SETDB2: variants seen among roughly 807,000 people sequenced by gnomAD.
The protein encoded by SETDB2 is SET domain bifurcated histone lysine methyltransferase 2.
Under a neutral mutation model 82.5 loss-of-function variants are expected in SETDB2, and 56 were observed. That is an observed-to-expected ratio of 0.68 (90% CI 0.55 to 0.85). The LOEUF (loss-of-function observed/expected upper bound fraction) is 0.85. Among genes scored for constraint, SETDB2 ranks in the 40% least tolerant of loss-of-function variants. SETDB2 has a pLI of 0.00. For synonymous variants in SETDB2, 272 were observed against 284.9 expected (o/e 0.95, Z 0.46); for missense variants, 677 against 816.4 (o/e 0.83, Z 2.08).
At position 49,444,687 on chromosome 13, in the gene SETDB2, A is replaced by G. The variant is rs533382400; in HGVS notation, c.-512A>G. The G allele has an allele frequency of 7.5e-6, 1 of 132,502 alleles. No individual in the cohort carries two copies. Among genetic ancestry groups the G allele is most frequent in the African/African-American group, 2.5e-5 (1 of 40,258 alleles). 8.2% of individuals were successfully genotyped at this position (132,502 alleles called of 1,614,324 possible). On this transcript the variant is annotated 5_prime_UTR_variant, in exon 1 of 14. Transcript: ENST00000611815. The stretch of plus-strand genomic sequence containing the variant: ...TGGCTGCAGAAGGGGCCGCGGGCGC[A>G]CTGAGTTTCCAACCTCCATTTCAGC...
chr13:49,481,153 A>G, intron 8 of SETDB2, 37 bp downstream of exon 8: 1 of 1,584,292 alleles, frequency 6.3e-7, no homozygotes, highest in East Asian at 2.2e-5. Flanking sequence ...ATTCTAGAGT[A>G]GAATCCACTT....
At chr13:49,461,059 TAAAG>T in intron 3 of SETDB2, 34 bp from the exon 4 acceptor site, 1 of 1,498,000 alleles carries the variant, frequency 6.7e-7, no homozygotes, top group Non-Finnish European at 9.2e-7. Context: ...GCACCATAAA[TAAAG>T]GTAATGGTGA....
chr13:49,456,306 TTATTCATGA>T (rs1957880820), intron 2 of SETDB2, among the ~76,000 whole-genome samples: 1 of 152,138 alleles, frequency 6.6e-6, no homozygotes, highest in Non-Finnish European at 1.5e-5. Flanking sequence ...CAGATCAGTA[TTATTCATGA>T]GCATTGTCTG....
Position 49,488,504 on chromosome 13 carries a change from A to G in SETDB2, c.1791A>G (p.Val597=), listed in dbSNP as rs1316868494. 3.7e-6 allele frequency: 6 copies of G among 1,613,988 alleles called. No individual in the cohort carries two copies. The Admixed American group carries it at 6.7e-5, about 18-fold the overall frequency. ...CTACAGCATGTCAAAGACAGCAGGT[A>G]TTTTGTGATGAAGAGTTGCTAAGTG... is the stretch of plus-strand genomic sequence containing the variant. ...GRSTACQRQQ[V]FCDEELLSET... The change falls in exon 12 of 14, where the codon GTA becomes GTG. Residue 597 remains valine, a synonymous_variant. Coordinates refer to ENST00000611815, the MANE Select transcript of SETDB2 (RefSeq NM_001160308.3).
chr13:49,468,718 CA>C lies in SETDB2; in HGVS notation c.305+759del, dbSNP rs761028799. Among the ~76,000 whole-genome samples the C allele has an allele frequency of 2.4e-4, 36 of 151,808 alleles. 1 individual carries two copies. In the South Asian group the frequency reaches 7.5e-3, roughly 32 times the overall value. Reference sequence around the variant, plus strand: ...CATGCCTGTGAGAGTTGTAGATAGACACTGTTTCATATAATTTGGATTTACA... The same window carrying C: ...CATGCCTGTGAGAGTTGTAGATAGACCTGTTTCATATAATTTGGATTTACA... On this transcript the variant is annotated intron_variant, in intron 5 of 13. Coordinates refer to ENST00000611815, the MANE Select transcript of SETDB2 (RefSeq NM_001160308.3).
rs1173473341 is a variant in SETDB2 at position 49,476,524 on chromosome 13, C to T, written c.354C>T (p.Asp118=). ...TCTCTCTTGAAGATAAAGTTGTAGA[C>T]TTTAGAGAAAAAGACTCATCTTCGA... ...EILSLEDKVV[D]FREKDSSSNL... Residue 118 remains aspartate, a synonymous_variant, in exon 6 of 14, where the codon GAC becomes GAT. Transcript: ENST00000611815. The T allele has an allele frequency of 6.2e-7, 1 of 1,612,160 alleles. No homozygotes were observed. The highest frequency in any genetic ancestry group is 1.7e-5 in the Admixed American group (1 of 59,728).
Position 49,451,831 on chromosome 13 carries a change from C to T in SETDB2, c.-63C>T, listed in dbSNP as rs1288592974. ...ACAGTTGGATTCCAGTGATATTCTGCAATCAAAGTGATTTGATAAACCTAA... is the reference window on the plus strand; with the variant it reads ...ACAGTTGGATTCCAGTGATATTCTGTAATCAAAGTGATTTGATAAACCTAA... On this transcript the variant is annotated 5_prime_UTR_variant, in exon 2 of 14. Transcript: ENST00000611815. 1.5e-6 allele frequency: 2 copies of T among 1,296,328 alleles called. No individual in the cohort carries two copies. Among genetic ancestry groups the T allele is most frequent in the Non-Finnish European group, 2.2e-6 (2 of 911,204 alleles). 80.3% of individuals were successfully genotyped at this position (1,296,328 alleles called of 1,614,324 possible).
Position 49,480,278 on chromosome 13 carries a change from G to A in SETDB2, c.929G>A (p.Ser310Asn), listed in dbSNP as rs1958451916. 13 of 1,611,906 alleles carry A rather than the reference G, an allele frequency of 8.1e-6. No individual in the cohort carries two copies. Among genetic ancestry groups the A allele is most frequent in the African/African-American group, 1.3e-5 (1 of 74,918 alleles). Reference sequence around the variant, plus strand: ...AATGCCAAAACTTCCCCCTTGTCAAGTGACAAAATAACCACTGGATATAAA... The same window carrying A: ...AATGCCAAAACTTCCCCCTTGTCAAATGACAAAATAACCACTGGATATAAA... ...ARNAKTSPLS[S>N]DKITTGYKYK... The change falls in exon 7 of 14, where the codon AGT becomes AAT. Residue 310 changes from serine (S) to asparagine (N), a missense_variant. Ser to Asn is a conservative substitution (Grantham distance 46). This residue lies in a region of SETDB2 where 420 missense variants were observed against 554.6 expected (regional missense o/e 0.76). Transcript: ENST00000611815.
chr13:49,469,003 A>T (rs1031707110), intron 5 of SETDB2, among the ~76,000 whole-genome samples: 4 of 152,162 alleles, frequency 2.6e-5, no homozygotes, highest in Non-Finnish European at 1.5e-5. Context: ...GCTCTCTACC[A>T]AACAGTTATC....
chr13:49,451,929 G>T lies in SETDB2; in HGVS notation c.16+20G>T. 6.4e-7 allele frequency: 1 copy of T among 1,565,946 alleles called. No individual in the cohort carries two copies. Among genetic ancestry groups the T allele is most frequent in the Non-Finnish European group, 8.7e-7 (1 of 1,145,216 alleles). ...AAAATGGTAGGTTGAAGAACACACT[G>T]TTACACTTTATATCTAAAAGTATAA... On this transcript the variant is annotated intron_variant, in intron 2 of 13. Coordinates refer to ENST00000611815, the MANE Select transcript of SETDB2 (RefSeq NM_001160308.3).
chr13:49,480,166 TG>T, intron 6 of SETDB2, 52 bp from the exon 7 acceptor site: 1 of 1,163,864 alleles, frequency 8.6e-7, no homozygotes. Flanking sequence ...GACAGTCTCT[TG>T]ACTTGACTTG....
rs1594165453 is a variant in SETDB2, at chr13:49,476,466, A to G, written c.306-10A>G. 1 of 1,511,398 alleles carries G rather than the reference A, an allele frequency of 6.6e-7. No individual in the cohort carries two copies. 93.6% of individuals were successfully genotyped at this position (1,511,398 alleles called of 1,614,324 possible). A position where few individuals can be genotyped will look rare whatever the true frequency, so the allele number is the denominator to read the frequency against. On this transcript the variant is annotated splice_polypyrimidine_tract_variant and intron_variant, in intron 5 of 13. Transcript: ENST00000611815. ...AATTTGAGATACTAATGAATAATTT[A>G]TTTTAACAGAACAACAGAAAATAAG...
intron 13 of SETDB2, among the ~76,000 whole-genome samples, chr13:49,491,362 T>A (rs1164702855): frequency 6.6e-6 from 1 of 152,224 alleles, no homozygotes; most frequent in Non-Finnish European, 1.5e-5. Flanking sequence ...CTGAAAGGGC[T>A]GAAGATATCA....
chr13:49,461,264 TA>T, intron 4 of SETDB2, 102 bp downstream of exon 4: 1 of 760,736 alleles, frequency 1.3e-6, no homozygotes, highest in South Asian at 2.7e-5. Context: ...TAATTTAAAA[TA>T]AAATCTAACA....
rs1265254385 is a variant in SETDB2 at position 49,480,964 on chromosome 13, T to A, written c.1004T>A (p.Leu335His). The A allele has an allele frequency of 6.2e-7, 1 of 1,613,976 alleles. No homozygotes were observed. The highest frequency in any genetic ancestry group is 1.3e-5 in the African/African-American group (1 of 74,946). Residue 335 changes from leucine (L) to histidine (H), a missense_variant, in exon 8 of 14, where the codon CTT (leucine) becomes CAT (histidine). Physicochemically the swap from Leu to His is moderately conservative, Grantham distance 99. Transcript: ENST00000611815. The part of the protein sequence containing the change: ...QIPTGIYECS[L>H]LCKCNRQLCQ... ...GTTGACAGCATTTATGAATGCAGCC[T>A]TTTGTGCAAATGTAATCGACAATTG...
intron 11 of SETDB2, among the ~76,000 whole-genome samples, chr13:49,486,481 A>G (rs1443205653): frequency 1.3e-5 from 2 of 152,168 alleles, no homozygotes; most frequent in African/African-American, 4.8e-5. Flanking sequence ...CCTCTGGTCT[A>G]ATTGCCAGTA....
chr13:49,473,605 G>GAATA (rs1378625948), intron 5 of SETDB2, among the ~76,000 whole-genome samples: 1 of 146,626 alleles, frequency 6.8e-6, no homozygotes, highest in African/African-American at 2.5e-5. Flanking sequence ...GACATTTACA[G>GAATA]AATAATATAC....
chr13:49,467,108 A>G (rs1958131050), intron 4 of SETDB2, among the ~76,000 whole-genome samples: 1 of 152,086 alleles, frequency 6.6e-6, no homozygotes, highest in African/African-American at 2.4e-5. Context: ...TAGAAAATAA[A>G]TATACTGGGC....
In SETDB2 at chr13:49,480,233, G is replaced by A; in HGVS notation, c.884G>A (p.Cys295Tyr). ...EGCIDITKCA[C>Y]LQLTARNAKT... is the part of the protein sequence containing the mutation. Reference sequence around the variant, plus strand: ...CTGCCTTTTAGAACAAAATGTGCATGTCTTCAACTGACAGCAAGGAATGCC... The same window carrying A: ...CTGCCTTTTAGAACAAAATGTGCATATCTTCAACTGACAGCAAGGAATGCC... Residue 295 changes from cysteine to tyrosine, a missense_variant, in exon 7 of 14, where the codon TGT becomes TAT. Coordinates refer to ENST00000611815, the MANE Select transcript of SETDB2 (RefSeq NM_001160308.3). 2 of 1,607,248 alleles carry A rather than the reference G, an allele frequency of 1.2e-6. No individual in the cohort carries two copies. Among genetic ancestry groups the A allele is most frequent in the South Asian group, 1.1e-5 (1 of 89,552 alleles).
Sources: allele counts gnomAD v4.1 joint callset (sites outside exome capture counted in the v4.1 genomes callset), GRCh38; gene constraint gnomAD v4.1.1; regional missense constraint gnomAD v4.1.1; transcripts MANE v1.5; gene names NCBI Gene and HGNC (gene_info 2026-07-23, HGNC 2026-07-21).